PLD5: variants seen among roughly 807,000 people sequenced by gnomAD.
The protein encoded by PLD5 is phospholipase D family member 5, also known as inactive phospholipase D5.
A neutral mutation model predicts 61.1 loss-of-function variants in PLD5; 36 were observed. The observed-to-expected ratio is 0.59, with a 90% CI of 0.45 to 0.78. The LOEUF (loss-of-function observed/expected upper bound fraction) is 0.78. Among genes scored for constraint, PLD5 ranks in the 30% least tolerant of loss-of-function variants. The pLI, the probability that PLD5 is intolerant of heterozygous loss-of-function variation, is 0.00. For synonymous variants in PLD5, 243 were observed against 242.8 expected (o/e 1.00, Z -0.01); for missense variants, 515 against 644.4 (o/e 0.80, Z 2.17).
intron 1 of PLD5, among the ~76,000 whole-genome samples, chr1:242,374,496 C>A (rs1473903578): frequency 5.3e-5 from 8 of 152,098 alleles, no homozygotes; most frequent in Admixed American, 5.2e-4. Flanking sequence ...ATACCATTCT[C>A]CCCCAGGGCT....
chr1:242,390,668 A>G (rs1167082373), intron 1 of PLD5, among the ~76,000 whole-genome samples: 1 of 152,162 alleles, frequency 6.6e-6, no homozygotes, highest in African/African-American at 2.4e-5. Flanking sequence ...TAGTACTGTC[A>G]CAGTAAAAAC....
intron 5 of PLD5, among the ~76,000 whole-genome samples, chr1:242,127,099 TG>T (rs2148742992): frequency 6.6e-6 from 1 of 152,272 alleles, no homozygotes; most frequent in East Asian, 1.9e-4. Flanking sequence ...AAAGCCACAA[TG>T]TGATACCACC....
At chr1:242,134,704 TCTC>T (rs1320386115) in intron 5 of PLD5, among the ~76,000 whole-genome samples, 3 of 152,162 alleles carry the variant, frequency 2.0e-5, no homozygotes, top group Non-Finnish European at 2.9e-5. Flanking sequence ...TCGCTGGACT[TCTC>T]CTCCTCAACA....
intron 7 of PLD5, among the ~76,000 whole-genome samples, chr1:242,109,872 T>A (rs1661345349): frequency 6.6e-6 from 1 of 151,786 alleles, no homozygotes; most frequent in South Asian, 2.1e-4. Context: ...GGAACGGTGA[T>A]CATTGCACCT....
chr1:242,149,626 T>A (rs1466132586), intron 5 of PLD5, among the ~76,000 whole-genome samples: 1 of 151,502 alleles, frequency 6.6e-6, no homozygotes, highest in African/African-American at 2.4e-5. Context: ...AGGAAGTATT[T>A]ACTACATATT....
chr1:242,288,599 T>C lies in PLD5; in HGVS notation c.327-69A>G, dbSNP rs182646896. ...ATTTGAAGCCACAGATCTTTATATA[T>C]GCATACAGCAGACATCTAAAAAATA... On this transcript the variant is annotated intron_variant, in intron 2 of 9. Coordinates refer to ENST00000536534, the MANE Select transcript of PLD5 (RefSeq NM_001372062.1). The C allele has an allele frequency of 1.2e-5, 18 of 1,512,122 alleles. No individual in the cohort carries two copies. The South Asian group carries it at 1.7e-4, about 15-fold the overall frequency. The allele number at this position is 1,512,122 out of a possible 1,614,324, so 93.7% of individuals were successfully genotyped here. A position where few individuals can be genotyped will look rare whatever the true frequency, so the allele number is the denominator to read the frequency against.
chr1:242,391,735 C>T (rs1324078591), intron 1 of PLD5, among the ~76,000 whole-genome samples: 1 of 152,060 alleles, frequency 6.6e-6, no homozygotes, highest in Admixed American at 6.6e-5. Flanking sequence ...CCAGGGCACA[C>T]ATGACATACT....
chr1:242,405,038 C>T (rs527613741), intron 1 of PLD5, among the ~76,000 whole-genome samples: 36 of 151,890 alleles, frequency 2.4e-4, no homozygotes, highest in Middle Eastern at 3.4e-3. Context: ...CACCACCACA[C>T]CTGGCTAAAT....
intron 5 of PLD5, among the ~76,000 whole-genome samples, chr1:242,132,326 GGA>G (rs1257606045): frequency 2.0e-5 from 3 of 151,330 alleles, no homozygotes; most frequent in Non-Finnish European, 4.4e-5. Context: ...TCATCAGAAT[GGA>G]GAGAGGAGAG....
At chr1:242,238,070 CTTAG>C (rs989647091) in intron 4 of PLD5, among the ~76,000 whole-genome samples, 6 of 152,054 alleles carry the variant, frequency 3.9e-5, no homozygotes, top group African/African-American at 1.4e-4. Context: ...TTACATTTCC[CTTAG>C]TTTAAGTTAC....
At chr1:242,169,210 G>C (rs1666559211) in intron 5 of PLD5, among the ~76,000 whole-genome samples, 1 of 152,252 alleles carries the variant, frequency 6.6e-6, no homozygotes, top group Middle Eastern at 3.4e-3. Context: ...AAAGAAGGCA[G>C]GTGATTTCTG....
At chr1:242,162,013 CTAGT>C (rs1314167630) in intron 5 of PLD5, among the ~76,000 whole-genome samples, 1 of 152,084 alleles carries the variant, frequency 6.6e-6, no homozygotes, top group Non-Finnish European at 1.5e-5. Context: ...GTTTCAAAGG[CTAGT>C]TATTGCCTAT....
intron 1 of PLD5, among the ~76,000 whole-genome samples, chr1:242,414,019 A>G (rs1162015271): frequency 6.6e-6 from 1 of 152,160 alleles, no homozygotes; most frequent in East Asian, 1.9e-4. Context: ...GAAGTAGGCA[A>G]ATCTGAGAGA....
At chr1:242,519,203 A>G (rs1359919896) in intron 1 of PLD5, among the ~76,000 whole-genome samples, 1 of 152,186 alleles carries the variant, frequency 6.6e-6, no homozygotes, top group Non-Finnish European at 1.5e-5. Flanking sequence ...CAGTATTTTC[A>G]TGGATCTGCT....
intron 1 of PLD5, among the ~76,000 whole-genome samples, chr1:242,458,844 G>C (rs927668333): frequency 2.6e-5 from 4 of 152,130 alleles, no homozygotes; most frequent in African/African-American, 9.7e-5. Context: ...CACAGGCCTT[G>C]GGAATCTTTC....
intron 9 of PLD5, 42 bp from the exon 10 acceptor site, chr1:242,090,152 A>C (rs1458935262): frequency 6.2e-7 from 1 of 1,607,106 alleles, no homozygotes; most frequent in Admixed American, 1.7e-5. Context: ...GTTAGAGTCC[A>C]CTGGGAACAT....
At chr1:242,105,351 G>A (rs1660969503) in intron 8 of PLD5, among the ~76,000 whole-genome samples, 1 of 151,890 alleles carries the variant, frequency 6.6e-6, no homozygotes, top group Non-Finnish European at 1.5e-5. Context: ...AGCCTCCCAA[G>A]TAGCTAGGAT....
chr1:242,474,095 C>T (rs1667518265), intron 1 of PLD5, among the ~76,000 whole-genome samples: 1 of 152,200 alleles, frequency 6.6e-6, no homozygotes, highest in African/African-American at 2.4e-5. Context: ...CCAGAATTAG[C>T]ATCTCCAAGA....
At chr1:242,456,008 C>CG (rs1666933285) in intron 1 of PLD5, among the ~76,000 whole-genome samples, 1 of 152,194 alleles carries the variant, frequency 6.6e-6, no homozygotes, top group African/African-American at 2.4e-5. Flanking sequence ...ACCTGTCCTT[C>CG]CAGGACATTA....
Sources: allele counts gnomAD v4.1 joint callset (sites outside exome capture counted in the v4.1 genomes callset), GRCh38; gene constraint gnomAD v4.1.1; transcripts MANE v1.5; gene names NCBI Gene and HGNC (gene_info 2026-07-23, HGNC 2026-07-21).